ADCY2: variants seen among roughly 807,000 people sequenced by gnomAD.
ADCY2 encodes the protein adenylate cyclase type 2.
A neutral mutation model predicts 125.2 loss-of-function variants in ADCY2; 31 were observed. The ratio of observed to expected loss-of-function variants is 0.25; its 90% CI spans 0.19 to 0.33. The LOEUF (loss-of-function observed/expected upper bound fraction) is 0.33, where lower values mean the gene tolerates loss of function less well. ADCY2 is among the 10% of genes least tolerant of loss of function. ADCY2 has a pLI of 1.00. For missense variants in ADCY2, 904 were observed against 1,418.2 expected (o/e 0.64, Z 5.82); for synonymous variants, 512 against 548.4 (o/e 0.93, Z 0.93).
intron 2 of ADCY2, among the ~76,000 whole-genome samples, chr5:7,520,107 A>G (rs1029898654): frequency 6.6e-6 from 1 of 152,224 alleles, no homozygotes; most frequent in African/African-American, 2.4e-5. Context: ...AAATGATGTT[A>G]TGAAATGGGT....
At chr5:7,515,821 G>A (rs1744234866) in intron 2 of ADCY2, among the ~76,000 whole-genome samples, 1 of 152,154 alleles carries the variant, frequency 6.6e-6, no homozygotes, top group African/African-American at 2.4e-5. Context: ...TCCTGGTTTT[G>A]TCACTATGCT....
At chr5:7,615,590 A>G (rs983551618) in intron 3 of ADCY2, among the ~76,000 whole-genome samples, 4 of 152,134 alleles carry the variant, frequency 2.6e-5, no homozygotes, top group African/African-American at 9.7e-5. Flanking sequence ...ATTAATTTGT[A>G]TATTTATTTA....
intron 15 of ADCY2, 117 bp from the exon 16 acceptor site, chr5:7,757,332 C>T: frequency 1.5e-6 from 2 of 1,312,390 alleles, no homozygotes; most frequent in Non-Finnish European, 2.1e-6. Flanking sequence ...ATAGAATCTA[C>T]ATGTTTAGTC....
intron 4 of ADCY2, among the ~76,000 whole-genome samples, chr5:7,643,901 TA>T (rs915487035): frequency 6.6e-6 from 1 of 151,940 alleles, no homozygotes; most frequent in Non-Finnish European, 1.5e-5. Flanking sequence ...GTATTATTTT[TA>T]AGACCTCTTT....
At chr5:7,422,194 A>C (rs781549338) in intron 2 of ADCY2, among the ~76,000 whole-genome samples, 1 of 151,954 alleles carries the variant, frequency 6.6e-6, no homozygotes, top group Non-Finnish European at 1.5e-5. Flanking sequence ...TTATTTGATG[A>C]TTTTGTTTTT....
chr5:7,484,823 A>G (rs930087791), intron 2 of ADCY2, among the ~76,000 whole-genome samples: 2 of 152,080 alleles, frequency 1.3e-5, no homozygotes, highest in Non-Finnish European at 1.5e-5. Context: ...CCTTCAGTAC[A>G]CTTACATTTT....
chr5:7,638,710 A>G (rs1211703474), intron 4 of ADCY2, among the ~76,000 whole-genome samples: 1 of 152,284 alleles, frequency 6.6e-6, no homozygotes, highest in East Asian at 1.9e-4. Flanking sequence ...AGTGACTCAG[A>G]GATTCATTTC....
chr5:7,639,670 T>C (rs1738626565), intron 4 of ADCY2, among the ~76,000 whole-genome samples: 1 of 152,252 alleles, frequency 6.6e-6, no homozygotes, highest in Non-Finnish European at 1.5e-5. Flanking sequence ...ACCTCATGAC[T>C]GCTCTGGATG....
Position 7,690,762 on chromosome 5 carries a change from G to A in ADCY2, c.792G>A (p.Leu264=). Residue 264 remains leucine (L), a synonymous_variant, in exon 5 of 25, where the codon CTG becomes CTA. Coordinates refer to ENST00000338316, the MANE Select transcript of ADCY2 (RefSeq NM_020546.3). ...TGAAAGCGGAGATCATCCAGAGGCT[G>A]CAGGGCCCCAAGGCGGGCCAGATGG... ...MEMKAEIIQR[L]QGPKAGQMEN... The A allele has an allele frequency of 1.2e-6, 2 of 1,610,542 alleles. No homozygotes were observed. Among genetic ancestry groups the A allele is most frequent in the East Asian group, 2.2e-5 (1 of 44,464 alleles).
intron 1 of ADCY2, among the ~76,000 whole-genome samples, chr5:7,401,042 G>A (rs972396625): frequency 2.6e-5 from 4 of 152,188 alleles, no homozygotes; most frequent in African/African-American, 9.6e-5. Flanking sequence ...TTGTGGCTTT[G>A]TCCATTTCCA....
Position 7,766,687 on chromosome 5 carries a change from T to C in ADCY2, c.2095T>C (p.Phe699Leu). 1 of 1,609,806 alleles carries C rather than the reference T, an allele frequency of 6.2e-7. No individual in the cohort carries two copies. Among genetic ancestry groups the C allele is most frequent in the Non-Finnish European group, 8.5e-7 (1 of 1,178,930 alleles). The change falls in exon 17 of 25, where the codon TTT becomes CTT. Residue 699 changes from phenylalanine to leucine, a missense_variant and splice_region_variant. Coordinates refer to ENST00000338316, the MANE Select transcript of ADCY2 (RefSeq NM_020546.3). Reference sequence around the variant, plus strand: ...ATTGAAAAAAACCTTCTCTTTGCAGTTTTTCCTGAGTGACTCAGAGGAAAC... The same window carrying C: ...ATTGAAAAAAACCTTCTCTTTGCAGCTTTTCCTGAGTGACTCAGAGGAAAC... ...IILMMAVFNMFFLSDSEETIP... is the reference protein window; with the variant it reads ...IILMMAVFNMLFLSDSEETIP...
chr5:7,433,472 T>G (rs900743796), intron 2 of ADCY2, among the ~76,000 whole-genome samples: 6 of 152,280 alleles, frequency 3.9e-5, no homozygotes, highest in South Asian at 2.1e-4. Flanking sequence ...CTGTATTTCT[T>G]TAATATTCCT....
chr5:7,636,045 T>C (rs1738491525), intron 4 of ADCY2, among the ~76,000 whole-genome samples: 1 of 152,214 alleles, frequency 6.6e-6, no homozygotes, highest in South Asian at 2.1e-4. Flanking sequence ...GCACATGCCC[T>C]TGTGGCTCTC....
chr5:7,808,441 C>A (rs902542969), intron 22 of ADCY2, among the ~76,000 whole-genome samples: 37 of 152,208 alleles, frequency 2.4e-4, no homozygotes, highest in Admixed American at 2.2e-3. Context: ...TGCAAACCCT[C>A]TAAATTCTTT....
At chr5:7,577,648 G>A (rs556637487) in intron 3 of ADCY2, among the ~76,000 whole-genome samples, 6 of 152,110 alleles carry the variant, frequency 3.9e-5, no homozygotes, top group East Asian at 3.9e-4. Flanking sequence ...TACCCTCTGC[G>A]TATGCCGTGT....
At chr5:7,576,787 C>G (rs888607490) in intron 3 of ADCY2, among the ~76,000 whole-genome samples, 2 of 152,144 alleles carry the variant, frequency 1.3e-5, no homozygotes, top group African/African-American at 4.8e-5. Flanking sequence ...CCCACCAACA[C>G]CACTGTTAAG....
chr5:7,428,902 A>G (rs1459412341), intron 2 of ADCY2, among the ~76,000 whole-genome samples: 1 of 152,220 alleles, frequency 6.6e-6, no homozygotes, highest in Non-Finnish European at 1.5e-5. Flanking sequence ...GAGGGGACCC[A>G]AACAGAGCCC....
In ADCY2 at chr5:7,577,970, G is replaced by C. The variant is rs368511197; in HGVS notation, c.571-48197G>C. Among the ~76,000 whole-genome samples, 16 of 152,254 alleles carry C rather than the reference G, an allele frequency of 1.1e-4. No homozygotes were observed. The East Asian group carries it at 2.3e-3, about 22-fold the overall frequency. On this transcript the variant is annotated intron_variant, in intron 3 of 24. Coordinates refer to ENST00000338316, the MANE Select transcript of ADCY2 (RefSeq NM_020546.3). ...TTGGCTTCGTCTTAACCCTATAACT[G>C]TTATAGCTAAGGCAGGAGGGCTGGT... is the stretch of plus-strand genomic sequence containing the variant.
At chr5:7,757,321 G>A in intron 15 of ADCY2, 128 bp from the exon 16 acceptor site, 1 of 1,212,312 alleles carries the variant, frequency 8.2e-7, no homozygotes, top group Non-Finnish European at 1.2e-6. Context: ...CCCAGGGGAG[G>A]ATAGAATCTA....
Sources: allele counts gnomAD v4.1 joint callset (sites outside exome capture counted in the v4.1 genomes callset), GRCh38; gene constraint gnomAD v4.1.1; transcripts MANE v1.5; gene names NCBI Gene and HGNC (gene_info 2026-07-23, HGNC 2026-07-21).